The following RARB variants were observed in gnomAD, a reference collection of about 807,000 sequenced individuals.
The protein encoded by RARB is retinoic acid receptor beta, also known as HBV-activated protein.
RARB carries 17 observed loss-of-function variants against 51.9 expected under a neutral mutation model. The ratio of observed to expected loss-of-function variants is 0.33; its 90% CI spans 0.22 to 0.49. The LOEUF is 0.49. Among genes scored for constraint, RARB ranks in the 20% least tolerant of loss-of-function variants. The probability of loss-of-function intolerance (pLI) is 0.99; values close to 1 mark genes in which losing one functional copy is unlikely to be tolerated. For synonymous variants in RARB, 215 were observed against 195.4 expected (o/e 1.10, Z -0.84); for missense variants, 369 against 550.8 (o/e 0.67, Z 3.30).
intron 2 of RARB, among the ~76,000 whole-genome samples, chr3:24,939,729 T>C (rs1695619913): frequency 6.6e-6 from 1 of 152,200 alleles, no homozygotes. Context: ...ATGTTCTTTG[T>C]AAAACTAACA....
chr3:24,948,821 T>G (rs991128795), intron 2 of RARB, among the ~76,000 whole-genome samples: 48 of 152,324 alleles, frequency 3.2e-4, no homozygotes, highest in African/African-American at 1.2e-3. Flanking sequence ...TCTTGTCATG[T>G]GTGACGTGCC....
intron 2 of RARB, among the ~76,000 whole-genome samples, chr3:24,982,006 G>GTTCCC (rs1310384589): frequency 6.6e-6 from 1 of 152,180 alleles, no homozygotes; most frequent in African/African-American, 2.4e-5. Context: ...GAAACCTGGG[G>GTTCCC]AATCTTGGCT....
chr3:25,100,042 A>C (rs984788828), intron 3 of RARB, among the ~76,000 whole-genome samples: 1 of 152,198 alleles, frequency 6.6e-6, no homozygotes, highest in African/African-American at 2.4e-5. Context: ...TTTTTACCAC[A>C]AAAACACCTG....
At chr3:24,957,584 T>C (rs1455143726) in intron 2 of RARB, among the ~76,000 whole-genome samples, 2 of 152,232 alleles carry the variant, frequency 1.3e-5, no homozygotes, top group Non-Finnish European at 2.9e-5. Flanking sequence ...TTACAGAATT[T>C]GAAAAATCAA....
chr3:25,405,129 C>G (rs1006339541), intron 5 of RARB, among the ~76,000 whole-genome samples: 1 of 152,196 alleles, frequency 6.6e-6, no homozygotes, highest in African/African-American at 2.4e-5. Flanking sequence ...TTAACCGTCT[C>G]TTAATCCCCA....
chr3:24,845,766 C>G (rs919838576), intron 1 of RARB, among the ~76,000 whole-genome samples: 6 of 152,052 alleles, frequency 3.9e-5, no homozygotes, highest in Non-Finnish European at 8.8e-5. Context: ...CCCCTCCACC[C>G]ACCTGAAGAA....
intron 5 of RARB, chr3:25,345,914 G>C: frequency 1.8e-5 from 16 of 882,834 alleles, no homozygotes; most frequent in Non-Finnish European, 2.2e-5. Flanking sequence ...TTTAAAAAAA[G>C]AGAGAAAAAT....
At chr3:24,928,839 T>G (rs1695378754) in intron 2 of RARB, among the ~76,000 whole-genome samples, 1 of 152,100 alleles carries the variant, frequency 6.6e-6, no homozygotes, top group South Asian at 2.1e-4. Flanking sequence ...TTGTAAATAA[T>G]ATGGCTTAAC....
chr3:25,199,307 G>C (rs985001753), intron 5 of RARB, among the ~76,000 whole-genome samples: 1 of 151,230 alleles, frequency 6.6e-6, no homozygotes, highest in African/African-American at 2.5e-5. Context: ...GGGAAAGGTC[G>C]TTGAAGGTTG....
At chr3:25,415,215 ATTAT>A (rs1329487284) in intron 5 of RARB, among the ~76,000 whole-genome samples, 6 of 152,024 alleles carry the variant, frequency 3.9e-5, no homozygotes. Context: ...TGAAGTTCTA[ATTAT>A]TTTGTTTTTT....
chr3:24,847,674 A>T (rs1210448012), intron 1 of RARB, among the ~76,000 whole-genome samples: 2 of 152,228 alleles, frequency 1.3e-5, no homozygotes, highest in African/African-American at 4.8e-5. Context: ...TGTGGTGCTC[A>T]CACCAGGCCC....
chr3:25,146,112 T>C (rs1291190505), intron 4 of RARB, among the ~76,000 whole-genome samples: 1 of 152,194 alleles, frequency 6.6e-6, no homozygotes, highest in African/African-American at 2.4e-5. Context: ...ACTAGCTCTG[T>C]GACCTTAGAT....
At chr3:25,398,470 A>G (rs1237165212) in intron 5 of RARB, among the ~76,000 whole-genome samples, 28 of 152,266 alleles carry the variant, frequency 1.8e-4, no homozygotes, top group Admixed American at 1.8e-3. Flanking sequence ...CAACTTTACA[A>G]GGTATTGGCA....
chr3:25,073,831 CTT>C (rs199824769), intron 3 of RARB, among the ~76,000 whole-genome samples: 5 of 146,552 alleles, frequency 3.4e-5, no homozygotes, highest in African/African-American at 7.4e-5. Context: ...ACAATAGTGA[CTT>C]TTTTTTTTTT....
intron 2 of RARB, among the ~76,000 whole-genome samples, chr3:25,015,812 G>C (rs551806911): frequency 2.0e-4 from 30 of 152,294 alleles, no homozygotes; most frequent in African/African-American, 6.7e-4. Context: ...CAATGGACAA[G>C]CACATAGTGA....
chr3:25,381,076 G>T (rs1706610649), intron 5 of RARB, among the ~76,000 whole-genome samples: 1 of 151,846 alleles, frequency 6.6e-6, no homozygotes, highest in African/African-American at 2.4e-5. Context: ...AAGTCTTTCT[G>T]CATTCCTTGT....
intron 2 of RARB, among the ~76,000 whole-genome samples, chr3:24,933,847 A>G (rs1212527634): frequency 1.3e-5 from 2 of 152,168 alleles, no homozygotes; most frequent in African/African-American, 4.8e-5. Context: ...GAAGGATCGA[A>G]CAAAGCATTA....
chr3:25,464,353 C>T (rs1273459497), intron 2 of RARB, among the ~76,000 whole-genome samples: 3 of 152,034 alleles, frequency 2.0e-5, no homozygotes, highest in Non-Finnish European at 2.9e-5. Flanking sequence ...GGAAAAACCC[C>T]AATAAAAACA....
chr3:25,249,848 G>T lies in RARB; in HGVS notation c.178+75273G>T, dbSNP rs370998654. On this transcript the variant is annotated intron_variant, in intron 5 of 11. Transcript: ENST00000383772. ...CAGTCCTGGGGCCCCAGTGGTAGCAGCAGCAGGCTGTGTGTTCCTGTTTTG... is the reference window on the plus strand; with the variant it reads ...CAGTCCTGGGGCCCCAGTGGTAGCATCAGCAGGCTGTGTGTTCCTGTTTTG... Among the ~76,000 whole-genome samples the T allele has an allele frequency of 8.3e-5, 5 of 60,456 alleles. No homozygotes were observed. In the East Asian group the frequency reaches 1.8e-3, roughly 22 times the overall value. 39.7% of individuals were successfully genotyped at this position (60,456 alleles called of 152,430 possible). A position where few individuals can be genotyped will look rare whatever the true frequency, so the allele number is the denominator to read the frequency against.
Sources: allele counts gnomAD v4.1 joint callset (sites outside exome capture counted in the v4.1 genomes callset), GRCh38; gene constraint gnomAD v4.1.1; transcripts MANE v1.5; gene names NCBI Gene and HGNC (gene_info 2026-07-23, HGNC 2026-07-21).